The following OPCML variants were observed in gnomAD, a reference collection of about 807,000 sequenced individuals.
OPCML encodes the protein opioid-binding protein/cell adhesion molecule.
In OPCML, 13 loss-of-function variants were observed where a neutral mutation model predicts 37.8. That is an observed-to-expected ratio of 0.34 (90% confidence interval 0.22 to 0.55). The LOEUF is 0.55. Among genes scored for constraint, OPCML ranks in the 20% least tolerant of loss-of-function variants. The pLI is 0.91. For missense variants in OPCML, 341 were observed against 435.6 expected, an observed-to-expected ratio of 0.78 and a Z score of 1.93; for synonymous variants, 176 against 168.8, an observed-to-expected ratio of 1.04 and a Z score of -0.33.
intron 4 of OPCML, among the ~76,000 whole-genome samples, chr11:132,485,127 T>C (rs1940023): frequency 0.2 from 30,084 of 151,972 alleles, 3,263 homozygotes; most frequent in East Asian, 0.36. Flanking sequence ...AATATCACTG[T>C]TCGGGAGAGC....
In OPCML at chr11:132,528,810, T is replaced by A. The variant is rs192378606; in HGVS notation, c.505+251A>T. Among the ~76,000 whole-genome samples, 15 of 152,338 alleles carry A rather than the reference T, an allele frequency of 9.8e-5. No individual in the cohort carries two copies. The East Asian group carries it at 2.5e-3, about 25-fold the overall frequency. On this transcript the variant is annotated intron_variant, in intron 4 of 7. Transcript: ENST00000524381. ...ATCTTCATTGGAAGTTATTCTTATG[T>A]CCTTTGTTCTTCATAGTTTGGAAAA...
At chr11:133,458,994 G>A (rs1246410453) in intron 1 of OPCML, among the ~76,000 whole-genome samples, 1 of 151,806 alleles carries the variant, frequency 6.6e-6, no homozygotes, top group African/African-American at 2.4e-5. Context: ...TATGTACTAG[G>A]TAAAAGCCAA....
chr11:132,470,129 A>T (rs985424245), intron 4 of OPCML, among the ~76,000 whole-genome samples: 8 of 152,128 alleles, frequency 5.3e-5, no homozygotes, highest in African/African-American at 1.9e-4. Context: ...TTTTTAAAAG[A>T]TGACTACTGA....
chr11:133,417,810 T>C (rs919867548), intron 1 of OPCML, among the ~76,000 whole-genome samples: 1 of 152,102 alleles, frequency 6.6e-6, no homozygotes, highest in African/African-American at 2.4e-5. Flanking sequence ...TAAGGGGCAT[T>C]GTATATGTTA....
chr11:132,669,621 G>T (rs1372990286), intron 2 of OPCML, among the ~76,000 whole-genome samples: 1 of 152,166 alleles, frequency 6.6e-6, no homozygotes, highest in Non-Finnish European at 1.5e-5. Flanking sequence ...GTCTGGCTTT[G>T]GAACACCTTT....
At chr11:133,323,456 G>A (rs1457232953) in intron 1 of OPCML, among the ~76,000 whole-genome samples, 1 of 152,166 alleles carries the variant, frequency 6.6e-6, no homozygotes, top group African/African-American at 2.4e-5. Flanking sequence ...AATAGGCTTT[G>A]CAAATTAACA....
intron 1 of OPCML, among the ~76,000 whole-genome samples, chr11:133,500,109 A>T (rs1947880198): frequency 6.6e-6 from 1 of 151,982 alleles, no homozygotes; most frequent in South Asian, 2.1e-4. Context: ...TGACCTCATG[A>T]TCCATCCACC....
chr11:132,817,714 A>C (rs920329852), intron 2 of OPCML, among the ~76,000 whole-genome samples: 1 of 151,992 alleles, frequency 6.6e-6, no homozygotes, highest in Non-Finnish European at 1.5e-5. Context: ...GATTAGATAA[A>C]TCTATATATT....
chr11:132,514,031 T>C (rs1045429290), intron 4 of OPCML, among the ~76,000 whole-genome samples: 2 of 152,304 alleles, frequency 1.3e-5, no homozygotes, highest in East Asian at 1.9e-4. Context: ...CCAGATGCAA[T>C]ACATTTAGCC....
At chr11:132,489,236 C>T (rs2096208758) in intron 4 of OPCML, among the ~76,000 whole-genome samples, 1 of 152,172 alleles carries the variant, frequency 6.6e-6, no homozygotes, top group African/African-American at 2.4e-5. Context: ...CTGTCTTCCA[C>T]CTCCACATCC....
intron 1 of OPCML, among the ~76,000 whole-genome samples, chr11:133,459,782 T>A (rs1310502379): frequency 6.6e-6 from 1 of 152,036 alleles, no homozygotes; most frequent in African/African-American, 2.4e-5. Context: ...TAGGAAACTT[T>A]AATACTTCAC....
chr11:132,579,495 G>T (rs1283685605), intron 3 of OPCML, among the ~76,000 whole-genome samples: 3 of 151,850 alleles, frequency 2.0e-5, no homozygotes, highest in Non-Finnish European at 4.4e-5. Context: ...ACAGCTTATG[G>T]GCAAGTGGCA....
intron 1 of OPCML, among the ~76,000 whole-genome samples, chr11:133,329,493 C>T (rs1480698143): frequency 1.3e-5 from 2 of 152,068 alleles, no homozygotes; most frequent in Non-Finnish European, 2.9e-5. Context: ...GAGATATAGA[C>T]CAATGGAACA....
Position 132,657,125 on chromosome 11 carries a change from T to C in OPCML, c.341A>G (p.Asn114Ser), listed in dbSNP as rs1427102910. The change falls in exon 3 of 8, where the codon AAT becomes AGT. Residue 114 changes from asparagine to serine, a missense_variant. Physicochemically the swap from Asn to Ser is conservative, Grantham distance 46 (BLOSUM62 1). Transcript: ENST00000524381. ...GPYTCSVQTD[N>S]HPKTSRVHLI... Reference sequence around the variant, plus strand: ...GTGAACCCGGGACGTTTTGGGATGATTGTCTGTCTGCACAGAGCAGGTGTA... The same window carrying C: ...GTGAACCCGGGACGTTTTGGGATGACTGTCTGTCTGCACAGAGCAGGTGTA... The C allele has an allele frequency of 1.9e-6, 3 of 1,614,230 alleles. No individual in the cohort carries two copies. The highest frequency in any genetic ancestry group is 2.2e-5 in the East Asian group (1 of 44,882).
chr11:132,927,823 G>A (rs865946891), intron 2 of OPCML, among the ~76,000 whole-genome samples: 6 of 151,982 alleles, frequency 3.9e-5, no homozygotes, highest in Non-Finnish European at 8.8e-5. Context: ...GTAACATATA[G>A]GGGGATCCAA....
chr11:133,265,702 G>A (rs1282127603), intron 1 of OPCML, among the ~76,000 whole-genome samples: 1 of 152,202 alleles, frequency 6.6e-6, no homozygotes, highest in Non-Finnish European at 1.5e-5. Flanking sequence ...AGATGTGTCT[G>A]AAGGAGTCAG....
chr11:133,015,462 A>G (rs2136887319), intron 1 of OPCML, among the ~76,000 whole-genome samples: 1 of 144,572 alleles, frequency 6.9e-6, no homozygotes, highest in East Asian at 2.1e-4. Context: ...GAATGAAGGA[A>G]GGAAGGAAGG....
intron 1 of OPCML, among the ~76,000 whole-genome samples, chr11:133,062,559 G>T (rs967350491): frequency 5.3e-5 from 8 of 152,008 alleles, no homozygotes; most frequent in Middle Eastern, 3.2e-3. Flanking sequence ...TAAAGGTCTT[G>T]GTTCAGAACG....
At chr11:133,472,606 G>C (rs1323328393) in intron 1 of OPCML, among the ~76,000 whole-genome samples, 1 of 151,676 alleles carries the variant, frequency 6.6e-6, no homozygotes, top group Non-Finnish European at 1.5e-5. Flanking sequence ...GGCTCAACAG[G>C]GTATCTTGCT....
Sources: gnomAD v4.1 joint callset for allele counts (sites outside exome capture counted in the v4.1 genomes callset) on GRCh38, gnomAD v4.1.1 for gene constraint, MANE v1.5 for transcripts, NCBI Gene and HGNC (gene_info 2026-07-23, HGNC 2026-07-21) for gene names.